Variants in PTPRD observed in about 807,000 individuals in gnomAD.
The protein encoded by PTPRD is protein tyrosine phosphatase receptor type D, also known as receptor-type tyrosine-protein phosphatase delta.
In PTPRD, 34 loss-of-function variants were observed where a neutral mutation model predicts 214.5. The ratio of observed to expected loss-of-function variants is 0.16; its 90% CI spans 0.12 to 0.21. The LOEUF (loss-of-function observed/expected upper bound fraction) is 0.21. Ranked by LOEUF, PTPRD falls within the 10% of genes least tolerant of loss-of-function variation. The probability of loss-of-function intolerance (pLI) is 1.00; values close to 1 mark genes in which losing one functional copy is unlikely to be tolerated. For missense variants in PTPRD, 2,545 were observed against 2,398.7 expected (o/e 1.06, Z -1.27); for synonymous variants, 1,128 against 845.7 (o/e 1.33, Z -5.79).
At chr9:8,475,951 A>G (rs1191182848) in intron 30 of PTPRD, among the ~76,000 whole-genome samples, 2 of 152,158 alleles carry the variant, frequency 1.3e-5, no homozygotes, top group Non-Finnish European at 2.9e-5. Flanking sequence ...TTGTTCTGCC[A>G]TTTCCACTTT....
intron 2 of PTPRD, among the ~76,000 whole-genome samples, chr9:10,380,921 T>A (rs939658220): frequency 3.9e-5 from 6 of 151,984 alleles, no homozygotes; most frequent in African/African-American, 7.2e-5. Context: ...ACTTCACACA[T>A]TGAAAATAGT....
At chr9:9,521,097 C>T (rs1306111022) in intron 8 of PTPRD, among the ~76,000 whole-genome samples, 6 of 152,098 alleles carry the variant, frequency 3.9e-5, no homozygotes, top group African/African-American at 7.2e-5. Flanking sequence ...GATTTAGAAC[C>T]TCTCCATAAC....
chr9:10,173,477 A>C (rs1272961529), intron 3 of PTPRD, among the ~76,000 whole-genome samples: 1 of 152,156 alleles, frequency 6.6e-6, no homozygotes, highest in Non-Finnish European at 1.5e-5. Flanking sequence ...GATCTCATCA[A>C]AACTGAAGTC....
At chr9:10,062,118 A>T (rs1374784717) in intron 3 of PTPRD, among the ~76,000 whole-genome samples, 1 of 152,098 alleles carries the variant, frequency 6.6e-6, no homozygotes, top group Non-Finnish European at 1.5e-5. Context: ...AATTTACTCA[A>T]CTCACTAATG....
At chr9:9,939,831 C>A (rs948304590) in intron 4 of PTPRD, among the ~76,000 whole-genome samples, 1 of 152,164 alleles carries the variant, frequency 6.6e-6, no homozygotes, top group African/African-American at 2.4e-5. Context: ...ACCAGAATTG[C>A]TTAATGTAAA....
At chr9:8,562,540 G>A (rs1377993526) in intron 14 of PTPRD, among the ~76,000 whole-genome samples, 2 of 152,022 alleles carry the variant, frequency 1.3e-5, no homozygotes, top group African/African-American at 2.4e-5. Context: ...AGGTTCAAGT[G>A]ATCTTCCCAC....
intron 11 of PTPRD, among the ~76,000 whole-genome samples, chr9:8,917,961 G>C (rs542562560): frequency 6.6e-6 from 1 of 152,126 alleles, no homozygotes; most frequent in Non-Finnish European, 1.5e-5. Context: ...CTCTCTTCAA[G>C]GATGGGAGGT....
intron 10 of PTPRD, among the ~76,000 whole-genome samples, chr9:9,093,669 C>CG (rs888606544): frequency 4.1e-4 from 61 of 148,950 alleles, no homozygotes; most frequent in East Asian, 2.6e-3. Flanking sequence ...AAAATTTGGG[C>CG]GGGGGGGCGG....
intron 10 of PTPRD, among the ~76,000 whole-genome samples, chr9:9,093,135 C>A (rs1292067847): frequency 6.6e-6 from 1 of 151,968 alleles, no homozygotes; most frequent in South Asian, 2.1e-4. Flanking sequence ...GAACACATAA[C>A]AATCTTAAAT....
intron 34 of PTPRD, among the ~76,000 whole-genome samples, chr9:8,437,837 T>G (rs1488515138): frequency 1.3e-5 from 2 of 152,212 alleles, no homozygotes; most frequent in Admixed American, 1.3e-4. Flanking sequence ...ATTTCATAGA[T>G]TCCATGAAAA....
intron 8 of PTPRD, among the ~76,000 whole-genome samples, chr9:9,436,247 T>C (rs1028751598): frequency 6.6e-6 from 1 of 152,186 alleles, no homozygotes; most frequent in African/African-American, 2.4e-5. Flanking sequence ...CCCTAAGCTG[T>C]GACCCCCTAT....
chr9:8,702,858 C>A (rs138265897), intron 12 of PTPRD, among the ~76,000 whole-genome samples: 13,655 of 152,230 alleles, frequency 0.09, 731 homozygotes, highest in South Asian at 0.13. Context: ...TCGCCCGCCT[C>A]GGCCTCCCAA....
At chr9:9,993,646 G>T (rs1272556721) in intron 4 of PTPRD, among the ~76,000 whole-genome samples, 2 of 152,106 alleles carry the variant, frequency 1.3e-5, no homozygotes, top group East Asian at 3.9e-4. Flanking sequence ...AGGAAGCAGG[G>T]GTTTGTGATT....
Position 8,542,999 on chromosome 9 carries a change from G to C in PTPRD, c.353-14220C>G, listed in dbSNP as rs181492562. ...ATTCACAAAATATTAGAGTATGACAGCCAATGGTCTCCTGAATAAGAGGAA... is the reference window on the plus strand; with the variant it reads ...ATTCACAAAATATTAGAGTATGACACCCAATGGTCTCCTGAATAAGAGGAA... On this transcript the variant is annotated intron_variant, in intron 14 of 45. Coordinates refer to ENST00000381196, the MANE Select transcript of PTPRD (RefSeq NM_002839.4). Among the ~76,000 whole-genome samples, 678 of 152,262 alleles carry C rather than the reference G, an allele frequency of 4.5e-3. 2 individuals carry two copies. Among genetic ancestry groups the C allele is most frequent in the African/African-American group, 0.011 (458 of 41,544 alleles).
At chr9:9,352,071 G>T (rs1441515048) in intron 9 of PTPRD, among the ~76,000 whole-genome samples, 1 of 151,792 alleles carries the variant, frequency 6.6e-6, no homozygotes, top group African/African-American at 2.4e-5. Flanking sequence ...ACTTCCCAAA[G>T]TGCTGGGATT....
At chr9:8,415,397 C>T (rs761976076) in intron 35 of PTPRD, among the ~76,000 whole-genome samples, 2 of 152,106 alleles carry the variant, frequency 1.3e-5, no homozygotes, top group Non-Finnish European at 2.9e-5. Context: ...CAATTATGAT[C>T]AAAGTAAACG....
chr9:8,694,096 T>G (rs1388641115), intron 12 of PTPRD, among the ~76,000 whole-genome samples: 1 of 152,228 alleles, frequency 6.6e-6, no homozygotes, highest in Non-Finnish European at 1.5e-5. Flanking sequence ...CTTACCTAGA[T>G]GTGAAAACAT....
intron 7 of PTPRD, among the ~76,000 whole-genome samples, chr9:9,723,505 C>G (rs1029524171): frequency 6.6e-6 from 1 of 151,938 alleles, no homozygotes; most frequent in Non-Finnish European, 1.5e-5. Context: ...TTTGGCTATT[C>G]TGGGTCCTTG....
chr9:9,052,175 G>A (rs1156495452), intron 10 of PTPRD, among the ~76,000 whole-genome samples: 3 of 152,098 alleles, frequency 2.0e-5, no homozygotes, highest in Non-Finnish European at 4.4e-5. Flanking sequence ...TGGCAGAAGG[G>A]GCAAGGGAGC....
Sources: gnomAD v4.1 joint callset for allele counts (sites outside exome capture counted in the v4.1 genomes callset) on GRCh38, gnomAD v4.1.1 for gene constraint, MANE v1.5 for transcripts, NCBI Gene and HGNC (gene_info 2026-07-23, HGNC 2026-07-21) for gene names.